Variants in HACD4 observed in about 807,000 individuals in gnomAD.
HACD4 encodes very-long-chain (3R)-3-hydroxyacyl-CoA dehydratase 4.
Under a neutral mutation model 33.3 loss-of-function variants are expected in HACD4, and 35 were observed. The ratio of observed to expected loss-of-function variants is 1.05; its 90% confidence interval spans 0.80 to 1.39. HACD4 has a LOEUF of 1.39. Among genes scored for constraint, HACD4 ranks in the 40% most tolerant of loss-of-function variants. The pLI, the probability that HACD4 is intolerant of heterozygous loss-of-function variation, is 0.00. For synonymous variants in HACD4, 118 were observed against 98.0 expected, an observed-to-expected ratio of 1.20 and a Z score of -1.21; for missense variants, 323 against 276.5, an observed-to-expected ratio of 1.17 and a Z score of -1.19.
intron 2 of HACD4, among the ~76,000 whole-genome samples, chr9:21,028,719 AC>A (rs1261245976): frequency 6.6e-6 from 1 of 152,244 alleles, no homozygotes; most frequent in Non-Finnish European, 1.5e-5. Flanking sequence ...TAGTCACCCA[AC>A]AGTGACTTTA....
At chr9:21,007,191 A>C (rs1842292285) in intron 6 of HACD4, 72 bp from the exon 7 acceptor site, 3 of 844,362 alleles carry the variant, frequency 3.6e-6, no homozygotes, top group Non-Finnish European at 4.1e-6. Context: ...TGCTTTTAAA[A>C]TACAGTCAGA....
At chr9:21,017,041 G>T (rs1041662942) in intron 3 of HACD4, among the ~76,000 whole-genome samples, 1 of 152,062 alleles carries the variant, frequency 6.6e-6, no homozygotes, top group Non-Finnish European at 1.5e-5. Context: ...TTAATAAAAT[G>T]TTTTACTTGC....
intron 5 of HACD4, among the ~76,000 whole-genome samples, chr9:21,008,749 C>G (rs1193826018): frequency 1.3e-5 from 2 of 151,924 alleles, no homozygotes; most frequent in African/African-American, 4.8e-5. Context: ...AACATTGTAT[C>G]CCATGTATAG....
chr9:21,015,835 A>G, intron 4 of HACD4, 63 bp downstream of exon 4: 1 of 922,230 alleles, frequency 1.1e-6, no homozygotes, highest in Non-Finnish European at 1.8e-6. Context: ...GGTTACTGCT[A>G]GTACTGGTTT....
chr9:21,022,066 A>T (rs1053625876), intron 3 of HACD4, among the ~76,000 whole-genome samples: 5 of 152,264 alleles, frequency 3.3e-5, no homozygotes, highest in African/African-American at 1.2e-4. Context: ...AGCCCTCAGA[A>T]GTAATACCAC....
chr9:21,026,525 CAA>C, intron 3 of HACD4, 69 bp downstream of exon 3: 1 of 1,310,910 alleles, frequency 7.6e-7, no homozygotes, highest in Non-Finnish European at 1.1e-6. Context: ...GCCATAAAGT[CAA>C]GAGAAGCTTT....
rs887810635 is a variant in HACD4, at chr9:21,000,075, A to G, written c.*6962T>C. The G allele has an allele frequency of 2.6e-5, 4 of 152,190 alleles. No homozygotes were observed. Among genetic ancestry groups the G allele is most frequent in the African/African-American group, 7.2e-5 (3 of 41,456 alleles). 9.4% of individuals were successfully genotyped at this position (152,190 alleles called of 1,614,324 possible). On this transcript the variant is annotated 3_prime_UTR_variant, in exon 7 of 7. Coordinates refer to ENST00000495827, the MANE Select transcript of HACD4 (RefSeq NM_001010915.5). ...AGTGCTCTTAATTCCAGACCACATT[A>G]TCTTTCACAAGAACCCCATCATTCA... is the stretch of plus-strand genomic sequence containing the variant.
At chr9:21,030,249 C>G (rs1049250202) in intron 1 of HACD4, among the ~76,000 whole-genome samples, 14 of 143,558 alleles carry the variant, frequency 9.8e-5, no homozygotes. Flanking sequence ...CAAGACCAGC[C>G]TGGCCAACAT....
intron 2 of HACD4, among the ~76,000 whole-genome samples, chr9:21,027,002 T>C (rs1300128334): frequency 1.3e-5 from 2 of 152,204 alleles, no homozygotes; most frequent in African/African-American, 4.8e-5. Flanking sequence ...ATTCCCCACT[T>C]ATAAGATTAT....
In HACD4 at chr9:21,001,216, C is replaced by T. The variant is rs1842161879; in HGVS notation, c.*5821G>A. On this transcript the variant is annotated 3_prime_UTR_variant, in exon 7 of 7. Transcript: ENST00000495827. Reference sequence around the variant, plus strand: ...AAAAGTCAAAAAACCAATGGATGAACAAAATGGTAATATCAATATAGAGAA... The same window carrying T: ...AAAAGTCAAAAAACCAATGGATGAATAAAATGGTAATATCAATATAGAGAA... The T allele has an allele frequency of 6.6e-6, 1 of 151,518 alleles. No homozygotes were observed. Among genetic ancestry groups the T allele is most frequent in the Non-Finnish European group, 1.5e-5 (1 of 67,868 alleles). 9.4% of individuals were successfully genotyped at this position (151,518 alleles called of 1,614,324 possible).
At chr9:21,024,929 T>C (rs955945942) in intron 3 of HACD4, among the ~76,000 whole-genome samples, 2 of 152,234 alleles carry the variant, frequency 1.3e-5, no homozygotes, top group African/African-American at 4.8e-5. Flanking sequence ...GTTAATTCTA[T>C]TTTCCAACAT....
rs536814459 is a variant in HACD4, at chr9:21,016,306, G to C, written c.271-296C>G. The stretch of plus-strand genomic sequence containing the variant: ...CATGTGTTTCTAGTCACTTTGACAA[G>C]GCTTTATTGAGTGTCCACTGTGTGT... On this transcript the variant is annotated intron_variant, in intron 3 of 6. Coordinates refer to ENST00000495827, the MANE Select transcript of HACD4 (RefSeq NM_001010915.5). Among the ~76,000 whole-genome samples, 2 of 152,210 alleles carry C rather than the reference G, an allele frequency of 1.3e-5. 1 individual carries two copies. Among genetic ancestry groups the C allele is most frequent in the East Asian group, 3.9e-4 (2 of 5,186 alleles).
intron 2 of HACD4, among the ~76,000 whole-genome samples, chr9:21,028,425 C>T (rs1432801084): frequency 1.3e-5 from 2 of 152,158 alleles, no homozygotes; most frequent in African/African-American, 4.8e-5. Flanking sequence ...TAGGTTATAT[C>T]TTTGGAGGTC....
At position 21,021,997 on chromosome 9, in the gene HACD4, A is replaced by C. The variant is rs564199539; in HGVS notation, c.270+4599T>G. ...TCAAACTATACTACAAGGCTACAGT[A>C]ACCAAAACAGCATGGTACTGGTACC... On this transcript the variant is annotated intron_variant, in intron 3 of 6. Transcript: ENST00000495827. Among the ~76,000 whole-genome samples, 49 of 152,336 alleles carry C rather than the reference A, an allele frequency of 3.2e-4. 1 individual carries two copies. The highest frequency in any genetic ancestry group is 3.1e-4 in the Non-Finnish European group (21 of 68,034).
At chr9:21,009,574 T>A (rs1842360780) in intron 5 of HACD4, among the ~76,000 whole-genome samples, 1 of 152,220 alleles carries the variant, frequency 6.6e-6, no homozygotes, top group African/African-American at 2.4e-5. Flanking sequence ...CATAATTGTA[T>A]ACATATATGA....
At chr9:21,010,924 G>GCT (rs1184705466) in intron 5 of HACD4, among the ~76,000 whole-genome samples, 1 of 152,178 alleles carries the variant, frequency 6.6e-6, no homozygotes, top group Admixed American at 6.5e-5. Flanking sequence ...TCTGACAGGA[G>GCT]GTAGAGCTCA....
chr9:21,026,837 C>T (rs1564281137), intron 2 of HACD4, 114 bp from the exon 3 acceptor site: 12 of 844,460 alleles, frequency 1.4e-5, no homozygotes, highest in Admixed American at 2.5e-5. Flanking sequence ...TTTCATTGTA[C>T]ATGTGAAAAA....
intron 1 of HACD4, chr9:21,031,330 C>T (rs563154999): frequency 5.0e-5 from 23 of 457,336 alleles, no homozygotes; most frequent in Admixed American, 4.5e-4. Context: ...CCTTCCCATT[C>T]AACTGTAAAA....
chr9:21,017,058 T>A (rs1039912224), intron 3 of HACD4, among the ~76,000 whole-genome samples: 2 of 152,202 alleles, frequency 1.3e-5, no homozygotes, highest in Non-Finnish European at 2.9e-5. Flanking sequence ...TTGCTCTTAA[T>A]GGTCAAAGGA....
Sources: gnomAD v4.1 joint callset for allele counts (sites outside exome capture counted in the v4.1 genomes callset) on GRCh38, gnomAD v4.1.1 for gene constraint, MANE v1.5 for transcripts, NCBI Gene and HGNC (gene_info 2026-07-23, HGNC 2026-07-21) for gene names.